The following XYLT1 variants were observed in gnomAD, a reference collection of about 807,000 sequenced individuals.
XYLT1 encodes beta-D-xylosyltransferase 1.
In XYLT1, 36 loss-of-function variants were observed where a neutral mutation model predicts 91.3. That is an observed-to-expected ratio of 0.39 (90% confidence interval 0.30 to 0.52). XYLT1 has a LOEUF of 0.52. Among genes scored for constraint, XYLT1 ranks in the 20% least tolerant of loss-of-function variants. The pLI is 0.68. For synonymous variants in XYLT1, 588 were observed against 532.0 expected (o/e 1.11, Z -1.45); for missense variants, 1,242 against 1,284.5 (o/e 0.97, Z 0.51).
intron 1 of XYLT1, among the ~76,000 whole-genome samples, chr16:17,409,871 T>C (rs979605373): frequency 1.3e-5 from 2 of 152,058 alleles, no homozygotes; most frequent in African/African-American, 2.4e-5. Flanking sequence ...TTAGGGTGTG[T>C]GTATGACCGA....
At chr16:17,206,571 TATC>T (rs2032650205) in intron 3 of XYLT1, among the ~76,000 whole-genome samples, 1 of 152,094 alleles carries the variant, frequency 6.6e-6, no homozygotes, top group Non-Finnish European at 1.5e-5. Flanking sequence ...GTCAAATACT[TATC>T]ATGCTTGCGT....
chr16:17,383,236 A>G (rs72781586), intron 1 of XYLT1, among the ~76,000 whole-genome samples: 17,089 of 151,826 alleles, frequency 0.11, 1,564 homozygotes, highest in African/African-American at 0.24. Context: ...CTCATTTTGC[A>G]CGGCCCATTC....
At chr16:17,173,275 C>A (rs1364691669) in intron 5 of XYLT1, among the ~76,000 whole-genome samples, 1 of 152,338 alleles carries the variant, frequency 6.6e-6, no homozygotes, top group East Asian at 1.9e-4. Flanking sequence ...ACTACCTCCA[C>A]GTACTCATTC....
chr16:17,470,464 G>C lies in XYLT1; in HGVS notation c.333C>G (p.Ala111=), dbSNP rs2036971032. The change falls in exon 1 of 12, where the codon GCC becomes GCG. Residue 111 remains alanine (A), a synonymous_variant. Coordinates refer to ENST00000261381, the MANE Select transcript of XYLT1 (RefSeq NM_022166.4). ...GPGEPRGQQP[A]SRGALPARAL... ...CCCGGGCGGGCAGTGCCCCCCGGCT[G>C]GCCGGCTGCTGTCCCCGCGGTTCTC... 3 of 1,232,354 alleles carry C rather than the reference G, an allele frequency of 2.4e-6. No homozygotes were observed. Among genetic ancestry groups the C allele is most frequent in the Non-Finnish European group, 3.0e-6 (3 of 988,160 alleles). 76.3% of individuals were successfully genotyped at this position (1,232,354 alleles called of 1,614,324 possible). A position where few individuals can be genotyped will look rare whatever the true frequency, so the allele number is the denominator to read the frequency against.
chr16:17,253,715 G>T (rs564776352), intron 3 of XYLT1, among the ~76,000 whole-genome samples: 1 of 152,026 alleles, frequency 6.6e-6, no homozygotes, highest in Admixed American at 6.6e-5. Context: ...GGGACACCTG[G>T]GATTCAGATC....
intron 1 of XYLT1, among the ~76,000 whole-genome samples, chr16:17,413,848 A>G (rs1164946553): frequency 1.3e-5 from 2 of 152,122 alleles, no homozygotes; most frequent in Non-Finnish European, 1.5e-5. Context: ...ATGCAAACCA[A>G]CAAACCCAGA....
At chr16:17,394,860 C>T (rs2035863671) in intron 1 of XYLT1, among the ~76,000 whole-genome samples, 1 of 152,164 alleles carries the variant, frequency 6.6e-6, no homozygotes, top group Non-Finnish European at 1.5e-5. Flanking sequence ...GTAGCTCATG[C>T]CTGTAATCTC....
At chr16:17,122,774 T>G (rs912466208) in intron 10 of XYLT1, among the ~76,000 whole-genome samples, 4 of 152,226 alleles carry the variant, frequency 2.6e-5, no homozygotes, top group African/African-American at 9.6e-5. Flanking sequence ...AGGTGAGAGA[T>G]GAGGATTCGG....
intron 1 of XYLT1, among the ~76,000 whole-genome samples, chr16:17,360,078 C>T (rs2035360906): frequency 6.6e-6 from 1 of 152,172 alleles, no homozygotes; most frequent in Non-Finnish European, 1.5e-5. Context: ...GATCTTACCA[C>T]CTCGATTTTG....
intron 2 of XYLT1, among the ~76,000 whole-genome samples, chr16:17,353,427 A>G (rs12917792): frequency 0.46 from 70,506 of 152,018 alleles, 17,691 homozygotes; most frequent in African/African-American, 0.63. Context: ...GGATTCAGAA[A>G]TGATCAACTG....
intron 1 of XYLT1, among the ~76,000 whole-genome samples, chr16:17,469,403 C>A (rs2036947139): frequency 2.0e-5 from 3 of 152,226 alleles, no homozygotes; most frequent in South Asian, 4.1e-4. Context: ...AGAACTCACG[C>A]CCCTGGAGAA....
chr16:17,193,266 A>G (rs2032358435), intron 5 of XYLT1: 1 of 152,236 alleles, frequency 6.6e-6, no homozygotes, highest in Non-Finnish European at 1.5e-5. Flanking sequence ...CTGTCATTAG[A>G]CGCTGTGGTA....
chr16:17,120,067 G>T (rs1021116176), intron 10 of XYLT1, among the ~76,000 whole-genome samples: 1 of 152,156 alleles, frequency 6.6e-6, no homozygotes, highest in African/African-American at 2.4e-5. Flanking sequence ...ATCCCTCCCA[G>T]ACTTATGAAA....
chr16:17,240,148 G>C (rs79968703), intron 3 of XYLT1, among the ~76,000 whole-genome samples: 9 of 152,228 alleles, frequency 5.9e-5, no homozygotes, highest in African/African-American at 2.2e-4. Context: ...TCAGATCCAA[G>C]GAACTGCATG....
chr16:17,158,426 GC>G (rs1218846048), intron 6 of XYLT1, among the ~76,000 whole-genome samples: 1 of 152,192 alleles, frequency 6.6e-6, no homozygotes, highest in Non-Finnish European at 1.5e-5. Flanking sequence ...ACTGGCACAC[GC>G]CCATGCTTGT....
At chr16:17,434,331 C>T (rs1356695884) in intron 1 of XYLT1, among the ~76,000 whole-genome samples, 4 of 152,178 alleles carry the variant, frequency 2.6e-5, no homozygotes, top group Admixed American at 2.0e-4. Context: ...ACAGGATTTC[C>T]TTCCAGGAAC....
intron 2 of XYLT1, among the ~76,000 whole-genome samples, chr16:17,334,744 G>T (rs542687883): frequency 1.3e-5 from 2 of 152,124 alleles, no homozygotes; most frequent in Non-Finnish European, 2.9e-5. Context: ...TTAGCCAGGC[G>T]TGGTGGCAGG....
chr16:17,282,061 C>T (rs1168504606), intron 2 of XYLT1, among the ~76,000 whole-genome samples: 3 of 152,212 alleles, frequency 2.0e-5, no homozygotes, highest in Non-Finnish European at 4.4e-5. Context: ...CAGGCAACTC[C>T]ACTTTCTACC....
At chr16:17,146,921 T>C (rs1228431268) in intron 6 of XYLT1, among the ~76,000 whole-genome samples, 7 of 152,188 alleles carry the variant, frequency 4.6e-5, no homozygotes, top group Non-Finnish European at 5.9e-5. Context: ...CTAACACATC[T>C]TTCCACATGC....
Sources: gnomAD v4.1 joint callset for allele counts (sites outside exome capture counted in the v4.1 genomes callset) on GRCh38, gnomAD v4.1.1 for gene constraint, MANE v1.5 for transcripts, NCBI Gene and HGNC (gene_info 2026-07-23, HGNC 2026-07-21) for gene names.